Variants in PHF20L1 observed in about 807,000 individuals in gnomAD.
PHF20L1 encodes PHD finger protein 20 like 1.
A neutral mutation model predicts 125.5 loss-of-function variants in PHF20L1; 44 were observed. That is an observed-to-expected ratio of 0.35 (90% CI 0.28 to 0.45). The LOEUF (loss-of-function observed/expected upper bound fraction) is 0.45, where lower values mean the gene tolerates loss of function less well. Ranked by LOEUF, PHF20L1 falls within the 20% of genes least tolerant of loss-of-function variation. The pLI, the probability that PHF20L1 is intolerant of heterozygous loss-of-function variation, is 1.00. For synonymous variants in PHF20L1, 380 were observed against 403.1 expected (o/e 0.94, Z 0.69); for missense variants, 1,012 against 1,217.2 (o/e 0.83, Z 2.51).
At chr8:132,780,829 T>G (rs1418339709) in intron 2 of PHF20L1, among the ~76,000 whole-genome samples, 1 of 151,288 alleles carries the variant, frequency 6.6e-6, no homozygotes. Context: ...AAATGCCTAT[T>G]AAAGGTTTTT....
At position 132,814,638 on chromosome 8, in the gene PHF20L1, C is replaced by T. The variant is rs142733026; in HGVS notation, c.932C>T (p.Ala311Val). ...YNETAPMLEQ[A>V]ISPKPQSQKK... ...ATCAATTTTTTATTATTTATTCAGGCGATTTCACCTAAACCTCAAAGTCAG... is the reference window on the plus strand; with the variant it reads ...ATCAATTTTTTATTATTTATTCAGGTGATTTCACCTAAACCTCAAAGTCAG... Residue 311 changes from alanine to valine, a missense_variant and splice_region_variant, in exon 10 of 21, where the codon GCG (alanine) becomes GTG (valine). Physicochemically the swap from Ala to Val is moderately conservative, Grantham distance 64. This residue lies in a region of PHF20L1 where 119 missense variants were observed against 160.2 expected (regional missense o/e 0.74). Coordinates refer to ENST00000395386, the MANE Select transcript of PHF20L1 (RefSeq NM_016018.5). The T allele has an allele frequency of 2.7e-5, 43 of 1,565,154 alleles. No homozygotes were observed. Among genetic ancestry groups the T allele is most frequent in the South Asian group, 6.1e-5 (5 of 81,506 alleles).
chr8:132,796,269 A>C (rs1359907186), intron 4 of PHF20L1, among the ~76,000 whole-genome samples: 2 of 152,056 alleles, frequency 1.3e-5, no homozygotes, highest in African/African-American at 2.4e-5. Context: ...AGGTGATAGA[A>C]TAGCTAGAGT....
intron 12 of PHF20L1, among the ~76,000 whole-genome samples, chr8:132,819,693 C>T (rs556786142): frequency 5.9e-5 from 9 of 151,604 alleles, no homozygotes; most frequent in South Asian, 2.1e-4. Flanking sequence ...TTCTCTGATA[C>T]ATATGTACAT....
intron 10 of PHF20L1, 25 bp downstream of exon 10, chr8:132,814,914 GTTAT>G (rs757974403): frequency 1.0e-5 from 15 of 1,494,648 alleles, no homozygotes; most frequent in African/African-American, 2.8e-5. Context: ...TTAAAAAATA[GTTAT>G]TTATCCTATA....
chr8:132,804,004 A>C lies in PHF20L1; in HGVS notation c.693A>C (p.Glu231Asp), dbSNP rs976230437. 1 of 1,610,578 alleles carries C rather than the reference A, an allele frequency of 6.2e-7. No homozygotes were observed. The change falls in exon 7 of 21, where the codon GAA becomes GAC. Residue 231 changes from glutamate (E) to aspartate (D), a missense_variant. Physicochemically the swap from Glu to Asp is conservative, Grantham distance 45 (BLOSUM62 2). Transcript: ENST00000395386. The stretch of plus-strand genomic sequence containing the variant: ...CCACACCAGACGTAGAGAAGAAGGA[A>C]GATCTGCCTACATCTAGTGAAACAT... Reference protein sequence around the residue: ...CIATPDVEKKEDLPTSSETFG... With the variant: ...CIATPDVEKKDDLPTSSETFG...
rs1587117929 is a variant in PHF20L1 at position 132,846,007 on chromosome 8, T to A, written c.*84T>A. 1 of 1,063,344 alleles carries A rather than the reference T, an allele frequency of 9.4e-7. No individual in the cohort carries two copies. Among genetic ancestry groups the A allele is most frequent in the Non-Finnish European group, 1.4e-6 (1 of 721,090 alleles). 65.9% of individuals were successfully genotyped at this position (1,063,344 alleles called of 1,614,324 possible). ...CCACGTGATGGCTAAGTGGATAATT[T>A]AAAAGCTTAGTAATGTCTGGTCATT... is the stretch of plus-strand genomic sequence containing the variant. On this transcript the variant is annotated 3_prime_UTR_variant, in exon 21 of 21. Coordinates refer to ENST00000395386, the MANE Select transcript of PHF20L1 (RefSeq NM_016018.5).
rs1445473303 is a variant in PHF20L1 at position 132,846,028 on chromosome 8, T to G, written c.*105T>G. 2 of 816,516 alleles carry G rather than the reference T, an allele frequency of 2.4e-6. No homozygotes were observed. The highest frequency in any genetic ancestry group is 3.8e-6 in the Non-Finnish European group (2 of 524,566). 50.6% of individuals were successfully genotyped at this position (816,516 alleles called of 1,614,324 possible). ...AATTTAAAAGCTTAGTAATGTCTGGTCATTCACTGATTTGTGATGTCAATA... is the reference window on the plus strand; with the variant it reads ...AATTTAAAAGCTTAGTAATGTCTGGGCATTCACTGATTTGTGATGTCAATA... On this transcript the variant is annotated 3_prime_UTR_variant, in exon 21 of 21. Coordinates refer to ENST00000395386, the MANE Select transcript of PHF20L1 (RefSeq NM_016018.5).
chr8:132,837,786 C>A lies in PHF20L1; in HGVS notation c.2166C>A (p.Ile722=). 1.2e-6 allele frequency: 2 copies of A among 1,612,560 alleles called. No homozygotes were observed. The highest frequency in any genetic ancestry group is 1.1e-5 in the South Asian group (1 of 91,058). ...AGGAGAGCATTCCAGAGCAGTACAT[C>A]TGCTATATCTGCCGGGACCCACCAG... The part of the protein sequence containing the change: ...LLEESIPEQY[I]CYICRDPPGQ... The change falls in exon 17 of 21, where the codon ATC becomes ATA. Residue 722 remains isoleucine, a synonymous_variant. Transcript: ENST00000395386.
At chr8:132,812,734 A>C in intron 9 of PHF20L1, 4 of 983,994 alleles carry the variant, frequency 4.1e-6, no homozygotes, top group Non-Finnish European at 4.8e-6. Context: ...TAAAGCTCTT[A>C]ATTACATCTC....
chr8:132,824,010 C>T lies in PHF20L1; in HGVS notation c.1586C>T (p.Ser529Leu), dbSNP rs375482501. Reference protein sequence around the residue: ...GRGAPAAAGISKTEKKVKLED... With the variant: ...GRGAPAAAGILKTEKKVKLED... ...TTTTTCCCCTAACCCACAGGAATAT[C>T]GAAAACAGAAAAAAAAGTGAAATTG... is the stretch of plus-strand genomic sequence containing the variant. Residue 529 changes from serine to leucine, a missense_variant, in exon 13 of 21, where the codon TCG (serine) becomes TTG (leucine). By Grantham distance (145) the Ser-to-Leu change is moderately radical. Coordinates refer to ENST00000395386, the MANE Select transcript of PHF20L1 (RefSeq NM_016018.5). The T allele has an allele frequency of 1.7e-5, 27 of 1,588,890 alleles. No homozygotes were observed. Among genetic ancestry groups the T allele is most frequent in the African/African-American group, 2.7e-5 (2 of 73,568 alleles).
intron 6 of PHF20L1, among the ~76,000 whole-genome samples, chr8:132,800,275 T>G (rs147208086): frequency 0.02 from 2,996 of 151,874 alleles, 97 homozygotes; most frequent in African/African-American, 0.068. Context: ...ATTATAACAT[T>G]AAGATCAGTG....
intron 6 of PHF20L1, 192 bp from the exon 7 acceptor site, chr8:132,803,627 T>G (rs1833348399): frequency 1.8e-6 from 1 of 546,048 alleles, no homozygotes; most frequent in Admixed American, 3.4e-5. Context: ...GGTTATGCAA[T>G]CTAACTCATT....
In PHF20L1 at chr8:132,842,841, A is replaced by G. The variant is rs368846107; in HGVS notation, c.2714A>G (p.Gln905Arg). The G allele has an allele frequency of 1.9e-6, 3 of 1,611,402 alleles. No homozygotes were observed. Among genetic ancestry groups the G allele is most frequent in the African/African-American group, 1.3e-5 (1 of 74,804 alleles). ...CACATGAGAAGTAAAAACAGTTTAC[A>G]GTACTCAGCAAAAGAACATGGAATG... ...EFHMRSKNSL[Q>R]YSAKEHGMPE... Residue 905 changes from glutamine (Q) to arginine (R), a missense_variant, in exon 19 of 21, where the codon CAG (glutamine) becomes CGG (arginine). Gln to Arg is a conservative substitution (Grantham distance 43, BLOSUM62 1). Around this residue, in one of 7 missense-constraint regions of PHF20L1, gnomAD observed 277 missense variants for 283.6 expected, o/e 0.98. Transcript: ENST00000395386.
chr8:132,844,215 A>G lies in PHF20L1; in HGVS notation c.2808A>G (p.Pro936=). The stretch of plus-strand genomic sequence containing the variant: ...ATGATAAAAAGGGCACCGAAGACCC[A>G]GGAGACTCACATCTTCAGTGGCAGC... ...VYNDKKGTED[P]GDSHLQWQLN... The change falls in exon 20 of 21, where the codon CCA becomes CCG. Residue 936 remains proline, a synonymous_variant. Coordinates refer to ENST00000395386, the MANE Select transcript of PHF20L1 (RefSeq NM_016018.5). 1 of 1,613,062 alleles carries G rather than the reference A, an allele frequency of 6.2e-7. No homozygotes were observed. Among genetic ancestry groups the G allele is most frequent in the Non-Finnish European group, 8.5e-7 (1 of 1,179,236 alleles).
intron 4 of PHF20L1, among the ~76,000 whole-genome samples, chr8:132,795,870 T>C (rs929539384): frequency 1.3e-5 from 2 of 152,126 alleles, no homozygotes; most frequent in African/African-American, 4.8e-5. Flanking sequence ...ATAAAAGTTA[T>C]ATGAATGTGG....
At chr8:132,812,630 A>C in intron 9 of PHF20L1, 1 of 984,862 alleles carries the variant, frequency 1.0e-6, no homozygotes, top group Non-Finnish European at 1.2e-6. Context: ...TCTACTTGTC[A>C]TTCAGGTTGA....
intron 2 of PHF20L1, among the ~76,000 whole-genome samples, chr8:132,790,291 A>T (rs1428816023): frequency 6.6e-6 from 1 of 152,228 alleles, no homozygotes; most frequent in Non-Finnish European, 1.5e-5. Flanking sequence ...TGTATGTATC[A>T]AAACATTACT....
intron 2 of PHF20L1, among the ~76,000 whole-genome samples, chr8:132,778,900 T>C (rs1355455608): frequency 6.6e-6 from 1 of 152,226 alleles, no homozygotes; most frequent in Non-Finnish European, 1.5e-5. Context: ...TCCCAGACTT[T>C]TTGACATTTT....
chr8:132,814,510 A>G (rs982353005), intron 9 of PHF20L1, 127 bp from the exon 10 acceptor site: 18 of 565,172 alleles, frequency 3.2e-5, no homozygotes, highest in African/African-American at 2.1e-4. Context: ...TTTCATTTGT[A>G]ATAGAAATGT....
Sources: allele counts gnomAD v4.1 joint callset (sites outside exome capture counted in the v4.1 genomes callset), GRCh38; gene constraint gnomAD v4.1.1; regional missense constraint gnomAD v4.1.1; transcripts MANE v1.5; gene names NCBI Gene and HGNC (gene_info 2026-07-23, HGNC 2026-07-21).